Variants in FUT9 observed in about 807,000 individuals in gnomAD.
FUT9 encodes the protein fucosyltransferase 9.
Under a neutral mutation model 29.7 loss-of-function variants are expected in FUT9, and 15 were observed. The ratio of observed to expected loss-of-function variants is 0.51; its 90% CI spans 0.34 to 0.78. FUT9 has a LOEUF of 0.78. Ranked by LOEUF, FUT9 falls within the 30% of genes least tolerant of loss-of-function variation. The probability of loss-of-function intolerance (pLI) is 0.01; values close to 1 mark genes in which losing one functional copy is unlikely to be tolerated. For missense variants in FUT9, 319 were observed against 425.4 expected (o/e 0.75, Z 2.20); for synonymous variants, 169 against 153.7 (o/e 1.10, Z -0.74).
rs150684253 is a variant in FUT9 at position 96,204,058 on chromosome 6, T to C, written c.903T>C (p.Tyr301=). ...ACTCTCCCAGTGAGCTAGCAAAGTA[T>C]CTGAAGGAAGTCGACAAAAACAATA... ...DYNSPSELAK[Y]LKEVDKNNKL... The change falls in exon 3 of 3, where the codon TAT becomes TAC. Residue 301 remains tyrosine (Y), a synonymous_variant. Coordinates refer to ENST00000302103, the MANE Select transcript of FUT9 (RefSeq NM_006581.4). The C allele has an allele frequency of 1.6e-4, 250 of 1,566,692 alleles. 1 individual carries two copies. In the African/African-American group the frequency reaches 3.1e-3, roughly 20 times the overall value.
At chr6:96,158,110 G>A (rs1209257927) in intron 2 of FUT9, among the ~76,000 whole-genome samples, 1 of 152,116 alleles carries the variant, frequency 6.6e-6, no homozygotes, top group Non-Finnish European at 1.5e-5. Flanking sequence ...AAGAAAATAT[G>A]ATTAGTGGTT....
At chr6:96,032,835 C>A (rs547351500) in intron 1 of FUT9, among the ~76,000 whole-genome samples, 171 of 151,646 alleles carry the variant, frequency 1.1e-3, no homozygotes, top group African/African-American at 4.0e-3. Context: ...GCTGTGTAAC[C>A]AGAGAGATAA....
At chr6:96,179,383 G>A (rs982462595) in intron 2 of FUT9, among the ~76,000 whole-genome samples, 1 of 152,056 alleles carries the variant, frequency 6.6e-6, no homozygotes, top group African/African-American at 2.4e-5. Context: ...GAGAAACACA[G>A]GCAAATCAAT....
chr6:96,151,481 T>G (rs949216953), intron 2 of FUT9, among the ~76,000 whole-genome samples: 2 of 152,196 alleles, frequency 1.3e-5, no homozygotes, highest in Admixed American at 1.3e-4. Context: ...AGACATACTT[T>G]AAGGGACCAG....
At chr6:96,093,511 T>C (rs780313608) in intron 1 of FUT9, among the ~76,000 whole-genome samples, 1 of 152,150 alleles carries the variant, frequency 6.6e-6, no homozygotes, top group Non-Finnish European at 1.5e-5. Flanking sequence ...GATATGCTAA[T>C]CTTGGCAATA....
At chr6:96,080,248 A>T (rs1373467749) in intron 1 of FUT9, among the ~76,000 whole-genome samples, 3 of 151,978 alleles carry the variant, frequency 2.0e-5, no homozygotes, top group African/African-American at 7.2e-5. Context: ...AGAATGACAT[A>T]ATAATTTTTT....
chr6:96,055,443 G>C (rs1409745631), intron 1 of FUT9, among the ~76,000 whole-genome samples: 1 of 149,980 alleles, frequency 6.7e-6, no homozygotes, highest in Non-Finnish European at 1.5e-5. Context: ...TCAAATTTTA[G>C]TGTATCTTTG....
intron 1 of FUT9, among the ~76,000 whole-genome samples, chr6:96,095,180 T>C (rs1771474123): frequency 6.6e-6 from 1 of 152,160 alleles, no homozygotes; most frequent in Non-Finnish European, 1.5e-5. Context: ...TAATGAGCTA[T>C]AATTTCATAA....
chr6:96,171,611 T>C (rs1226239477), intron 2 of FUT9, among the ~76,000 whole-genome samples: 2 of 152,188 alleles, frequency 1.3e-5, no homozygotes, highest in Non-Finnish European at 2.9e-5. Context: ...ACCAAGGTGA[T>C]TTTATCTCAA....
At chr6:96,183,888 A>G (rs1773355638) in intron 2 of FUT9, among the ~76,000 whole-genome samples, 1 of 152,008 alleles carries the variant, frequency 6.6e-6, no homozygotes, top group Non-Finnish European at 1.5e-5. Flanking sequence ...CTTCAGGGAT[A>G]TCGGGCTGTA....
chr6:96,108,272 A>T (rs1771730846), intron 1 of FUT9, among the ~76,000 whole-genome samples: 1 of 152,116 alleles, frequency 6.6e-6, no homozygotes, highest in Non-Finnish European at 1.5e-5. Context: ...AAATCATCCC[A>T]TGTTGTATGC....
intron 1 of FUT9, among the ~76,000 whole-genome samples, chr6:96,078,405 CTTCTTTTTTT>C (rs1771175664): frequency 2.2e-5 from 1 of 45,194 alleles, no homozygotes; most frequent in Non-Finnish European, 4.3e-5. Flanking sequence ...TCATATTAGT[CTTCTTTTTTT>C]TTTTTTTTTT....
Position 96,192,644 on chromosome 6 carries a change from T to C in FUT9, c.-8-10504T>C, listed in dbSNP as rs1194517726. Among the ~76,000 whole-genome samples, 9 of 152,242 alleles carry C rather than the reference T, an allele frequency of 5.9e-5. No homozygotes were observed. In the East Asian group the frequency reaches 1.7e-3, roughly 29 times the overall value. ...CATACTGTCCAAGGTAATTTATAGA[T>C]TCAATGCCATCCCTGTCAAGCTACC... is the stretch of plus-strand genomic sequence containing the variant. On this transcript the variant is annotated intron_variant, in intron 2 of 2. Coordinates refer to ENST00000302103, the MANE Select transcript of FUT9 (RefSeq NM_006581.4).
intron 1 of FUT9, among the ~76,000 whole-genome samples, chr6:96,057,116 C>T (rs7749071): frequency 0.55 from 82,930 of 151,950 alleles, 22,742 homozygotes; most frequent in South Asian, 0.63. Flanking sequence ...TAAATCATGA[C>T]ATTTTCAATT....
At chr6:96,081,931 G>A (rs1041781794) in intron 1 of FUT9, among the ~76,000 whole-genome samples, 1 of 151,714 alleles carries the variant, frequency 6.6e-6, no homozygotes, top group African/African-American at 2.4e-5. Flanking sequence ...ATGCAGTTGA[G>A]CAATTTTTCT....
intron 2 of FUT9, among the ~76,000 whole-genome samples, chr6:96,202,208 C>CT (rs1056527511): frequency 6.6e-6 from 1 of 151,918 alleles, no homozygotes; most frequent in Non-Finnish European, 1.5e-5. Context: ...CTTGAAAACA[C>CT]TTTTTTCTTT....
chr6:96,120,587 C>A (rs1210710889), intron 2 of FUT9, among the ~76,000 whole-genome samples: 4 of 121,700 alleles, frequency 3.3e-5, no homozygotes, highest in Non-Finnish European at 4.9e-5. Flanking sequence ...CTGGGCAAGA[C>A]CACCTTTTTT....
intron 1 of FUT9, among the ~76,000 whole-genome samples, chr6:96,030,112 G>A (rs1163550829): frequency 4.0e-5 from 6 of 151,424 alleles, no homozygotes; most frequent in Non-Finnish European, 8.9e-5. Flanking sequence ...CTATATAGAA[G>A]GCCTGAACAA....
At chr6:96,025,223 G>A (rs1770143680) in intron 1 of FUT9, among the ~76,000 whole-genome samples, 1 of 151,734 alleles carries the variant, frequency 6.6e-6, no homozygotes, top group Admixed American at 6.6e-5. Context: ...AGTATTAGTT[G>A]TTACAGTGCT....
Sources: allele counts gnomAD v4.1 joint callset (sites outside exome capture counted in the v4.1 genomes callset), GRCh38; gene constraint gnomAD v4.1.1; transcripts MANE v1.5; gene names NCBI Gene and HGNC (gene_info 2026-07-23, HGNC 2026-07-21).